Variants in CTNNA1 observed in about 807,000 individuals in gnomAD.
CTNNA1 encodes catenin alpha-1.
In CTNNA1, 37 loss-of-function variants were observed where a neutral mutation model predicts 98.4. The observed-to-expected ratio is 0.38, with a 90% CI of 0.29 to 0.49. The LOEUF (loss-of-function observed/expected upper bound fraction) is 0.49, where lower values mean the gene tolerates loss of function less well. CTNNA1 is among the 20% of genes least tolerant of loss of function. The pLI, the probability that CTNNA1 is intolerant of heterozygous loss-of-function variation, is 0.95. For missense variants in CTNNA1, 761 were observed against 1,147.2 expected, an observed-to-expected ratio of 0.66 and a Z score of 4.86; for synonymous variants, 404 against 413.2, an observed-to-expected ratio of 0.98 and a Z score of 0.27.
intron 7 of CTNNA1, among the ~76,000 whole-genome samples, chr5:138,858,073 GT>G (rs1353687827): frequency 1.3e-5 from 2 of 151,712 alleles, no homozygotes; most frequent in Non-Finnish European, 2.9e-5. Flanking sequence ...GCAGACACTT[GT>G]ACATTCACCT....
intron 10 of CTNNA1, among the ~76,000 whole-genome samples, chr5:138,906,388 TG>T (rs1407705668): frequency 6.6e-6 from 1 of 152,252 alleles, no homozygotes; most frequent in Non-Finnish European, 1.5e-5. Flanking sequence ...CAAGTTTGTT[TG>T]CCATTTACCC....
intron 1 of CTNNA1, among the ~76,000 whole-genome samples, chr5:138,757,595 T>G (rs1751813281): frequency 2.0e-5 from 3 of 152,186 alleles, no homozygotes; most frequent in African/African-American, 7.2e-5. Context: ...ACTCAGCACT[T>G]TCGTTTCTGG....
intron 3 of CTNNA1, among the ~76,000 whole-genome samples, chr5:138,797,376 A>G (rs1237587907): frequency 2.0e-5 from 3 of 152,176 alleles, no homozygotes; most frequent in African/African-American, 7.2e-5. Flanking sequence ...TCCCTTTCCC[A>G]GGACATAAAC....
At chr5:138,773,136 A>C (rs1241589351) in intron 1 of CTNNA1, among the ~76,000 whole-genome samples, 1 of 152,240 alleles carries the variant, frequency 6.6e-6, no homozygotes, top group Non-Finnish European at 1.5e-5. Context: ...GATTGGGATC[A>C]CTAAAAACAT....
At chr5:138,763,098 TG>T (rs1305677755) in intron 1 of CTNNA1, among the ~76,000 whole-genome samples, 13 of 79,414 alleles carry the variant, frequency 1.6e-4, no homozygotes, top group African/African-American at 3.1e-4. Context: ...CTTATTGCTA[TG>T]TTTTTTTTTG....
intron 7 of CTNNA1, among the ~76,000 whole-genome samples, chr5:138,862,524 C>A (rs184276194): frequency 6.6e-6 from 1 of 152,222 alleles, no homozygotes; most frequent in East Asian, 1.9e-4. Flanking sequence ...TTTTACTGAA[C>A]AAGGAAAAGA....
At chr5:138,928,977 G>C (rs1383978819) in intron 13 of CTNNA1, among the ~76,000 whole-genome samples, 1 of 152,054 alleles carries the variant, frequency 6.6e-6, no homozygotes, top group Non-Finnish European at 1.5e-5. Flanking sequence ...AAGAAATAGT[G>C]AATTGACTCA....
chr5:138,830,221 C>T (rs554369662), intron 7 of CTNNA1, among the ~76,000 whole-genome samples: 5 of 140,364 alleles, frequency 3.6e-5, no homozygotes, highest in South Asian at 4.5e-4. Context: ...ATTAGCCAGG[C>T]GTGGTGTGGG....
intron 1 of CTNNA1, among the ~76,000 whole-genome samples, chr5:138,760,092 T>C (rs1236158449): frequency 6.9e-6 from 1 of 143,936 alleles, no homozygotes; most frequent in Non-Finnish European, 1.5e-5. Flanking sequence ...CCTCCCGGGT[T>C]CAAGCGATTC....
intron 9 of CTNNA1, among the ~76,000 whole-genome samples, chr5:138,894,924 G>C (rs975806844): frequency 6.6e-6 from 1 of 152,262 alleles, no homozygotes; most frequent in East Asian, 1.9e-4. Context: ...CTTCTGTAGA[G>C]AAACTTTCCT....
intron 5 of CTNNA1, among the ~76,000 whole-genome samples, chr5:138,816,878 T>C (rs1259615737): frequency 2.0e-5 from 3 of 152,176 alleles, no homozygotes; most frequent in Non-Finnish European, 4.4e-5. Context: ...TTTGTATTTT[T>C]AGTAGAGTCA....
chr5:138,812,620 T>C (rs1160110248), intron 5 of CTNNA1, among the ~76,000 whole-genome samples: 1 of 152,248 alleles, frequency 6.6e-6, no homozygotes, highest in Non-Finnish European at 1.5e-5. Context: ...GGTGCAGTTT[T>C]GTTCAGATTT....
At chr5:138,817,027 ATTT>A (rs1487382446) in intron 5 of CTNNA1, among the ~76,000 whole-genome samples, 1 of 152,150 alleles carries the variant, frequency 6.6e-6, no homozygotes, top group East Asian at 1.9e-4. Flanking sequence ...AAATCAGATT[ATTT>A]GAGTTTTTGC....
At chr5:138,928,900 C>T (rs745342411) in intron 13 of CTNNA1, among the ~76,000 whole-genome samples, 7 of 151,766 alleles carry the variant, frequency 4.6e-5, no homozygotes, top group Non-Finnish European at 8.8e-5. Flanking sequence ...CACGCCACTG[C>T]ACTCCAGCCT....
At chr5:138,921,369 C>G (rs957963536) in intron 11 of CTNNA1, among the ~76,000 whole-genome samples, 13 of 152,086 alleles carry the variant, frequency 8.5e-5, no homozygotes, top group African/African-American at 3.1e-4. Context: ...ACTAAATGCT[C>G]TTAGAAACAA....
rs761811053 is a variant in CTNNA1 at position 138,873,190 on chromosome 5, C to G, written c.1063-13022C>G. The G allele has an allele frequency of 4.4e-5, 71 of 1,613,846 alleles. 1 individual carries two copies. The South Asian group carries it at 7.6e-4, about 17-fold the overall frequency. On this transcript the variant is annotated intron_variant, in intron 7 of 17. Transcript: ENST00000302763. This position sits in a 1 kb window ranked among gnomAD's most constrained non-coding sequence, Gnocchi z 6.1. ...GCCTGTGGTTCTGAACCATTGAGCA[C>G]TGCCTAATTCTTCTTAAAGTGGGAG...
Position 138,891,829 on chromosome 5 carries a change from A to G in CTNNA1, c.1296+4187A>G, listed in dbSNP as rs149962163. On this transcript the variant is annotated intron_variant, in intron 9 of 17. Transcript: ENST00000302763. ...AGATACATATGTGAAAGGAAAATAA[A>G]TCTTGGGACCCCCAAATCAGTAAGC... 2.2e-4 allele frequency among the ~76,000 whole-genome samples: 33 copies of G among 152,248 alleles called. No individual in the cohort carries two copies. The East Asian group carries it at 6.0e-3, about 28-fold the overall frequency.
chr5:138,777,986 G>T (rs1754581418), intron 1 of CTNNA1, among the ~76,000 whole-genome samples: 1 of 28,254 alleles, frequency 3.5e-5, no homozygotes, highest in Non-Finnish European at 7.1e-5. Context: ...TTCTTAATCT[G>T]TCTTTTTTTT....
Position 138,873,517 on chromosome 5 carries a change from C to T in CTNNA1, c.1063-12695C>T, listed in dbSNP as rs1397700132. Reference sequence around the variant, plus strand: ...ATCCATGGACTGCATCTAGAATATCCTCTCCTTGGGTGTGGTCAGGACTGT... The same window carrying T: ...ATCCATGGACTGCATCTAGAATATCTTCTCCTTGGGTGTGGTCAGGACTGT... On this transcript the variant is annotated intron_variant, in intron 7 of 17. Coordinates refer to ENST00000302763, the MANE Select transcript of CTNNA1 (RefSeq NM_001903.5). This position sits in a 1 kb window ranked among gnomAD's most constrained non-coding sequence, Gnocchi z 6.1. The T allele has an allele frequency of 2.5e-6, 4 of 1,613,864 alleles. No individual in the cohort carries two copies. Among genetic ancestry groups the T allele is most frequent in the Non-Finnish European group, 8.5e-7 (1 of 1,179,900 alleles).
Sources: gnomAD v4.1 joint callset for allele counts (sites outside exome capture counted in the v4.1 genomes callset) on GRCh38, gnomAD v4.1.1 for gene constraint, Gnocchi (gnomAD v3.1) non-coding constraint, MANE v1.5 for transcripts, NCBI Gene and HGNC (gene_info 2026-07-23, HGNC 2026-07-21) for gene names.